The following RBPMS variants were observed in gnomAD, a reference collection of about 807,000 sequenced individuals.
RBPMS encodes the protein RNA binding protein, mRNA processing factor, also known as RNA-binding protein with multiple splicing.
In RBPMS, 7 loss-of-function variants were observed where a neutral mutation model predicts 26.8. That is an observed-to-expected ratio of 0.26 (90% CI 0.15 to 0.49). The LOEUF (loss-of-function observed/expected upper bound fraction) is 0.49, where lower values mean the gene tolerates loss of function less well. RBPMS is among the 20% of genes least tolerant of loss of function. The pLI is 0.98. For missense variants in RBPMS, 186 were observed against 250.0 expected (o/e 0.74, Z 1.73); for synonymous variants, 96 against 93.3 (o/e 1.03, Z -0.17).
chr8:30,556,403 G>A (rs1826919284), intron 6 of RBPMS: 3 of 985,854 alleles, frequency 3.0e-6, no homozygotes, highest in South Asian at 4.7e-5. Flanking sequence ...GGCTGTGTGC[G>A]AGAGCTGGTC....
chr8:30,563,563 G>C (rs1827666400), intron 7 of RBPMS, among the ~76,000 whole-genome samples: 1 of 152,182 alleles, frequency 6.6e-6, no homozygotes, highest in Admixed American at 6.5e-5. Context: ...CGGGACCAGA[G>C]CCCAGAAATT....
chr8:30,415,725 C>T (rs1373607658), intron 1 of RBPMS, among the ~76,000 whole-genome samples: 2 of 152,066 alleles, frequency 1.3e-5, no homozygotes, highest in Admixed American at 6.6e-5. Context: ...AATAAGACTG[C>T]TTGGTGTGTT....
rs770641735 is a variant in RBPMS, at chr8:30,423,655, GGT to G, written c.66+38499_66+38500del. On this transcript the variant is annotated intron_variant, in intron 1 of 8. Coordinates refer to ENST00000397323, the MANE Select transcript of RBPMS (RefSeq NM_001008710.3). The stretch of plus-strand genomic sequence containing the variant: ...GGTGGGGAGGAAGTTGAGGGTTGGG[GGT>G]GGGGAGGGGAGGACCTCCCGGAAAT... 5.3e-5 allele frequency among the ~76,000 whole-genome samples: 8 copies of G among 152,018 alleles called. No homozygotes were observed. In the East Asian group the frequency reaches 1.2e-3, roughly 22 times the overall value.
At chr8:30,547,274 A>ATT in intron 6 of RBPMS, 16 of 1,458,936 alleles carry the variant, frequency 1.1e-5, no homozygotes, top group Admixed American at 1.9e-5. Flanking sequence ...TGAGACATGG[A>ATT]TTTTTTTTTT....
At chr8:30,419,009 CCT>C (rs1485057182) in intron 1 of RBPMS, among the ~76,000 whole-genome samples, 1 of 150,362 alleles carries the variant, frequency 6.7e-6, no homozygotes, top group Admixed American at 6.6e-5. Flanking sequence ...AAGATAGGCC[CCT>C]GTTATCATTT....
At chr8:30,562,044 T>C in intron 7 of RBPMS, 1 of 985,304 alleles carries the variant, frequency 1.0e-6, no homozygotes, top group Non-Finnish European at 1.2e-6. Flanking sequence ...TAAGAATATG[T>C]AATGGACCAG....
At chr8:30,419,450 ATGTGTGTGTGTGTGTG>A (rs71278690) in intron 1 of RBPMS, among the ~76,000 whole-genome samples, 2 of 143,284 alleles carry the variant, frequency 1.4e-5, no homozygotes, top group South Asian at 2.3e-4. Flanking sequence ...CATCTCAAAA[ATGTGTGTGTGTGTGTG>A]TGTGTGTGTG....
At chr8:30,498,526 G>T (rs920689600) in intron 4 of RBPMS, among the ~76,000 whole-genome samples, 4 of 152,214 alleles carry the variant, frequency 2.6e-5, no homozygotes, top group African/African-American at 9.7e-5. Flanking sequence ...CTAACTGTAT[G>T]TCAAATGAAT....
Position 30,384,917 on chromosome 8 carries a change from A to T in RBPMS, c.-176A>T. ...GCCGCCGTCGCAGACTCGCCGCGGG[A>T]GCCCCAGCCCAACCCGAGCCCGACA... On this transcript the variant is annotated 5_prime_UTR_variant, in exon 1 of 9. Transcript: ENST00000397323. The surrounding 1 kb of genome is among the most constrained non-coding windows in gnomAD (Gnocchi z 5.6). The T allele has an allele frequency of 2.7e-6, 1 of 377,278 alleles. No homozygotes were observed. Among genetic ancestry groups the T allele is most frequent in the Non-Finnish European group, 4.6e-6 (1 of 216,412 alleles). The allele number at this position is 377,278 out of a possible 1,614,324, so 23.4% of individuals were successfully genotyped here. A position where few individuals can be genotyped will look rare whatever the true frequency, so the allele number is the denominator to read the frequency against.
chr8:30,461,322 A>G (rs766610814), intron 1 of RBPMS, among the ~76,000 whole-genome samples: 1 of 152,194 alleles, frequency 6.6e-6, no homozygotes, highest in Admixed American at 6.5e-5. Flanking sequence ...ATTTAAGTTT[A>G]TTTAACGTAT....
At chr8:30,517,189 C>CGTGTGTGTGTGTGT (rs56327512) in intron 5 of RBPMS, among the ~76,000 whole-genome samples, 54 of 132,562 alleles carry the variant, frequency 4.1e-4, no homozygotes, top group East Asian at 1.4e-3. Flanking sequence ...GCCAAGACCC[C>CGTGTGTGTGTGTGT]GTGTGTGTGT....
intron 1 of RBPMS, among the ~76,000 whole-genome samples, chr8:30,434,048 C>T (rs148498281): frequency 2.6e-5 from 4 of 151,952 alleles, no homozygotes; most frequent in Non-Finnish European, 4.4e-5. Flanking sequence ...TCATGGAAGG[C>T]GGAGCTTGCA....
At chr8:30,419,433 G>T (rs1810477783) in intron 1 of RBPMS, among the ~76,000 whole-genome samples, 1 of 119,128 alleles carries the variant, frequency 8.4e-6, no homozygotes, top group Non-Finnish European at 1.8e-5. Flanking sequence ...GCGACAGAGT[G>T]AGATTGCATC....
Position 30,519,483 on chromosome 8 carries a change from T to C in RBPMS, c.397+15047T>C, listed in dbSNP as rs886160626. Among the ~76,000 whole-genome samples the C allele has an allele frequency of 7.7e-4, 29 of 37,682 alleles. 3 individuals are homozygous for C. The highest frequency in any genetic ancestry group is 2.6e-3 in the African/African-American group (23 of 8,948). The allele number at this position is 37,682 out of a possible 152,430, so 24.7% of individuals were successfully genotyped here. A position where few individuals can be genotyped will look rare whatever the true frequency, so the allele number is the denominator to read the frequency against. On this transcript the variant is annotated intron_variant, in intron 5 of 8. Coordinates refer to ENST00000397323, the MANE Select transcript of RBPMS (RefSeq NM_001008710.3). The stretch of plus-strand genomic sequence containing the variant: ...CTTTTTTTTTTTTTTTTTTTTTTTT[T>C]TTTTTTTTTTTTTTTTTGGAGACGG...
chr8:30,555,939 T>C, intron 6 of RBPMS: 1 of 985,438 alleles, frequency 1.0e-6, no homozygotes, highest in Non-Finnish European at 1.2e-6. Flanking sequence ...CGAACTCTGC[T>C]GTGCACCATG....
intron 1 of RBPMS, among the ~76,000 whole-genome samples, chr8:30,467,426 G>GC (rs1244642926): frequency 7.2e-5 from 11 of 152,202 alleles, no homozygotes; most frequent in African/African-American, 2.7e-4. Flanking sequence ...GATTTATGCT[G>GC]CATGGGTATG....
intron 4 of RBPMS, among the ~76,000 whole-genome samples, chr8:30,497,610 G>GTTGTT (rs1397995528): frequency 1.3e-5 from 2 of 151,560 alleles, no homozygotes; most frequent in Non-Finnish European, 1.5e-5. Context: ...TTTTTTTGTT[G>GTTGTT]TTGTTTTGTT....
intron 8 of RBPMS, among the ~76,000 whole-genome samples, chr8:30,568,955 T>TCCTC (rs950022250): frequency 4.9e-4 from 73 of 149,952 alleles, no homozygotes; most frequent in African/African-American, 1.7e-3. Context: ...GCTCCCGCCC[T>TCCTC]CCTCCTGCCT....
intron 1 of RBPMS, among the ~76,000 whole-genome samples, chr8:30,440,762 T>C (rs528970393): frequency 6.6e-6 from 1 of 152,134 alleles, no homozygotes; most frequent in South Asian, 2.1e-4. Context: ...TTCCAATTTT[T>C]CCCACATCTT....
Sources: allele counts gnomAD v4.1 joint callset (sites outside exome capture counted in the v4.1 genomes callset), GRCh38; gene constraint gnomAD v4.1.1; non-coding constraint Gnocchi (gnomAD v3.1); transcripts MANE v1.5; gene names NCBI Gene and HGNC (gene_info 2026-07-23, HGNC 2026-07-21).